Variants in GPC5 observed in about 807,000 individuals in gnomAD.
GPC5 encodes glypican 5, also known as glypican-5.
A neutral mutation model predicts 53.9 loss-of-function variants in GPC5; 47 were observed. That is an observed-to-expected ratio of 0.87 (90% CI 0.69 to 1.11). The LOEUF (loss-of-function observed/expected upper bound fraction) is 1.11. Ranked by LOEUF, GPC5 falls within the 50% of genes most tolerant of loss-of-function variation. The pLI, the probability that GPC5 is intolerant of heterozygous loss-of-function variation, is 0.00. For synonymous variants in GPC5, 286 were observed against 263.3 expected (o/e 1.09, Z -0.84); for missense variants, 748 against 713.1 (o/e 1.05, Z -0.56).
At chr13:92,863,649 A>T (rs1454255635) in intron 7 of GPC5, among the ~76,000 whole-genome samples, 1 of 151,986 alleles carries the variant, frequency 6.6e-6, no homozygotes, top group Non-Finnish European at 1.5e-5. Context: ...ACGCACCACC[A>T]CACCTGGCTA....
chr13:92,507,678 T>A (rs904043581), intron 7 of GPC5, among the ~76,000 whole-genome samples: 8 of 152,142 alleles, frequency 5.3e-5, no homozygotes, highest in Non-Finnish European at 1.2e-4. Context: ...CCACTGAGAA[T>A]TGAAAATGTT....
intron 6 of GPC5, among the ~76,000 whole-genome samples, chr13:92,001,190 A>G (rs2040551018): frequency 6.6e-6 from 1 of 152,232 alleles, no homozygotes; most frequent in Non-Finnish European, 1.5e-5. Context: ...TGTGAGTTAT[A>G]GTTATCCCCA....
intron 7 of GPC5, among the ~76,000 whole-genome samples, chr13:92,253,902 T>A (rs575388536): frequency 1.3e-5 from 2 of 152,166 alleles, no homozygotes; most frequent in East Asian, 3.9e-4. Flanking sequence ...AGAGGATTTG[T>A]TACAAAATGA....
intron 7 of GPC5, among the ~76,000 whole-genome samples, chr13:92,739,168 C>T (rs1889021526): frequency 1.3e-5 from 2 of 151,950 alleles, no homozygotes; most frequent in South Asian, 2.1e-4. Context: ...AAACATATGT[C>T]TCTATATGTT....
At chr13:92,168,845 G>A (rs534028562) in intron 7 of GPC5, among the ~76,000 whole-genome samples, 4 of 152,038 alleles carry the variant, frequency 2.6e-5, no homozygotes, top group Non-Finnish European at 5.9e-5. Context: ...TATACTAAAA[G>A]GAATATAAAT....
At chr13:91,435,439 A>G (rs1879859342) in intron 1 of GPC5, among the ~76,000 whole-genome samples, 1 of 152,218 alleles carries the variant, frequency 6.6e-6, no homozygotes, top group South Asian at 2.1e-4. Context: ...ATCTACTGAG[A>G]TAATCATATG....
intron 7 of GPC5, among the ~76,000 whole-genome samples, chr13:92,494,129 G>A (rs1028015602): frequency 3.0e-4 from 45 of 151,064 alleles, no homozygotes; most frequent in South Asian, 4.2e-4. Flanking sequence ...TCGCTCTGTC[G>A]CCCAGGCTGG....
chr13:91,814,793 A>G (rs1340226703), intron 5 of GPC5, among the ~76,000 whole-genome samples: 4 of 152,072 alleles, frequency 2.6e-5, no homozygotes, highest in Non-Finnish European at 1.5e-5. Flanking sequence ...CGCCCACCTC[A>G]GCCTCCCAAA....
chr13:92,730,167 C>T (rs1288865764), intron 7 of GPC5, among the ~76,000 whole-genome samples: 1 of 151,382 alleles, frequency 6.6e-6, no homozygotes, highest in African/African-American at 2.4e-5. Context: ...CCTAAATGGA[C>T]ATCATACTTA....
At chr13:91,788,200 G>A (rs968289836) in intron 5 of GPC5, among the ~76,000 whole-genome samples, 3 of 152,142 alleles carry the variant, frequency 2.0e-5, no homozygotes, top group African/African-American at 7.2e-5. Flanking sequence ...ATGTAGTGAG[G>A]GCCTTCTTCC....
Position 92,569,034 on chromosome 13 carries a change from G to A in GPC5, c.1562-297248G>A, listed in dbSNP as rs1461799150. ...GCTGGTGTGCTGCACCCATTAACTC[G>A]TCATTTAGCATTAGGTATATCTCCT... On this transcript the variant is annotated intron_variant, in intron 7 of 7. Coordinates refer to ENST00000377067, the MANE Select transcript of GPC5 (RefSeq NM_004466.6). 4.7e-5 allele frequency among the ~76,000 whole-genome samples: 7 copies of A among 149,188 alleles called. No individual in the cohort carries two copies. In the South Asian group the frequency reaches 1.3e-3, roughly 28 times the overall value.
chr13:91,789,237 T>C (rs1254300895), intron 5 of GPC5, among the ~76,000 whole-genome samples: 1 of 152,016 alleles, frequency 6.6e-6, no homozygotes, highest in African/African-American at 2.4e-5. Context: ...AAAAGAAATC[T>C]TACTTTTAAG....
intron 7 of GPC5, among the ~76,000 whole-genome samples, chr13:92,811,123 A>G (rs1877283267): frequency 6.6e-6 from 1 of 152,100 alleles, no homozygotes; most frequent in Non-Finnish European, 1.5e-5. Flanking sequence ...TTATCCACTC[A>G]TCTGTTGATG....
At chr13:92,106,202 A>G (rs1417084200) in intron 6 of GPC5, among the ~76,000 whole-genome samples, 2 of 152,074 alleles carry the variant, frequency 1.3e-5, no homozygotes, top group Non-Finnish European at 2.9e-5. Context: ...AAATGGTTGT[A>G]TCAACTTAAT....
chr13:92,254,921 G>T (rs975158418), intron 7 of GPC5, among the ~76,000 whole-genome samples: 1 of 152,024 alleles, frequency 6.6e-6, no homozygotes, highest in Admixed American at 6.6e-5. Flanking sequence ...TTTGGGTGGG[G>T]ACACAGAGCC....
rs10129064 is a variant in GPC5, at chr13:91,689,950, T to C, written c.326-3237T>C. On this transcript the variant is annotated intron_variant, in intron 2 of 7. Transcript: ENST00000377067. ...TGTTTATTATCATTATCAAATATTA[T>C]GTACTGTACATACTTGCATGTGCTA... is the stretch of plus-strand genomic sequence containing the variant. Among the ~76,000 whole-genome samples, 805 of 152,334 alleles carry C rather than the reference T, an allele frequency of 5.3e-3. 13 individuals are homozygous for C. Among genetic ancestry groups the C allele is most frequent in the South Asian group, 0.035 (169 of 4,822 alleles).
At chr13:92,439,141 T>G (rs1349512877) in intron 7 of GPC5, among the ~76,000 whole-genome samples, 1 of 152,036 alleles carries the variant, frequency 6.6e-6, no homozygotes, top group Admixed American at 6.6e-5. Context: ...AAGATATAAT[T>G]ATCTGGTCCA....
intron 7 of GPC5, among the ~76,000 whole-genome samples, chr13:92,782,123 G>GTAT (rs1166285633): frequency 2.0e-5 from 3 of 150,194 alleles, no homozygotes; most frequent in African/African-American, 7.3e-5. Flanking sequence ...GGGAGGGAAG[G>GTAT]GAAATAAGGA....
chr13:91,418,945 C>T (rs1878420095), intron 1 of GPC5, among the ~76,000 whole-genome samples: 2 of 151,898 alleles, frequency 1.3e-5, no homozygotes, highest in African/African-American at 4.8e-5. Context: ...GTACATACAG[C>T]TGAAATCAGT....
Sources: allele counts gnomAD v4.1 joint callset (sites outside exome capture counted in the v4.1 genomes callset), GRCh38; gene constraint gnomAD v4.1.1; transcripts MANE v1.5; gene names NCBI Gene and HGNC (gene_info 2026-07-23, HGNC 2026-07-21).